CORO1C: variants seen among roughly 807,000 people sequenced by gnomAD.
CORO1C encodes the protein coronin-1C.
A neutral mutation model predicts 51.2 loss-of-function variants in CORO1C; 14 were observed. That is an observed-to-expected ratio of 0.27 (90% CI 0.18 to 0.43). The LOEUF is 0.43. Among genes scored for constraint, CORO1C ranks in the 20% least tolerant of loss-of-function variants. The probability of loss-of-function intolerance (pLI) is 1.00; values close to 1 mark genes in which losing one functional copy is unlikely to be tolerated. For missense variants in CORO1C, 417 were observed against 607.8 expected, an observed-to-expected ratio of 0.69 and a Z score of 3.30; for synonymous variants, 181 against 210.5, an observed-to-expected ratio of 0.86 and a Z score of 1.21.
intron 1 of CORO1C, among the ~76,000 whole-genome samples, chr12:108,712,303 C>T (rs930819261): frequency 1.3e-5 from 2 of 151,730 alleles, no homozygotes; most frequent in African/African-American, 2.4e-5. Flanking sequence ...CCGGGCAGGG[C>T]GGCTCACACC....
At chr12:108,711,257 C>G (rs2035171771) in intron 1 of CORO1C, among the ~76,000 whole-genome samples, 1 of 152,060 alleles carries the variant, frequency 6.6e-6, no homozygotes, top group Admixed American at 6.6e-5. Flanking sequence ...GCGGTCCCAG[C>G]TACTCGGGGA....
At chr12:108,716,527 C>CAT (rs1335621516) in intron 1 of CORO1C, among the ~76,000 whole-genome samples, 7 of 152,106 alleles carry the variant, frequency 4.6e-5, no homozygotes, top group African/African-American at 1.7e-4. Context: ...ATTAAATGAA[C>CAT]ATGTACTCCT....
At chr12:108,661,062 TTACA>T (rs1054131917) in intron 4 of CORO1C, among the ~76,000 whole-genome samples, 7 of 152,198 alleles carry the variant, frequency 4.6e-5, no homozygotes, top group African/African-American at 1.4e-4. Context: ...AAGGTATAAC[TTACA>T]TACAATACAA....
intron 2 of CORO1C, among the ~76,000 whole-genome samples, chr12:108,686,734 G>C (rs2136843936): frequency 6.6e-6 from 1 of 152,324 alleles, no homozygotes. Flanking sequence ...CCAGCACCAA[G>C]TTTCCCAAAG....
chr12:108,711,572 C>G (rs1036854195), intron 1 of CORO1C, among the ~76,000 whole-genome samples: 1 of 150,888 alleles, frequency 6.6e-6, no homozygotes, highest in Non-Finnish European at 1.5e-5. Flanking sequence ...CCCAGCTATT[C>G]GGGAGGCTAA....
chr12:108,699,591 A>C (rs1304963442), intron 2 of CORO1C, among the ~76,000 whole-genome samples: 1 of 152,204 alleles, frequency 6.6e-6, no homozygotes, highest in Non-Finnish European at 1.5e-5. Flanking sequence ...TACCAGTAAA[A>C]TGTCAAGTTT....
At chr12:108,702,340 C>T (rs987597010) in intron 1 of CORO1C, among the ~76,000 whole-genome samples, 2 of 152,158 alleles carry the variant, frequency 1.3e-5, no homozygotes, top group Non-Finnish European at 2.9e-5. Context: ...AGCCACTTCC[C>T]TAGTAAACCA....
intron 1 of CORO1C, chr12:108,702,751 T>C (rs1432777997): frequency 2.1e-6 from 3 of 1,462,690 alleles, no homozygotes; most frequent in Non-Finnish European, 2.7e-6. Flanking sequence ...CTGAGCCCAC[T>C]GCTAAATGCA....
chr12:108,680,854 G>A (rs1399359601), intron 2 of CORO1C, among the ~76,000 whole-genome samples: 1 of 152,212 alleles, frequency 6.6e-6, no homozygotes, highest in African/African-American at 2.4e-5. Flanking sequence ...CAGGTAAGAT[G>A]GAGATTTCAC....
intron 1 of CORO1C, among the ~76,000 whole-genome samples, chr12:108,707,604 G>A (rs1439234992): frequency 6.6e-6 from 1 of 152,058 alleles, no homozygotes; most frequent in Non-Finnish European, 1.5e-5. Flanking sequence ...GACACCAAAA[G>A]CACAAGCAAC....
At chr12:108,715,670 C>CCTGAGGA (rs774883777) in intron 1 of CORO1C, among the ~76,000 whole-genome samples, 8,254 of 52,218 alleles carry the variant, frequency 0.16, 496 homozygotes, top group East Asian at 0.58. Flanking sequence ...ACAACACTGG[C>CCTGAGGA]AGCAGCCATC....
intron 3 of CORO1C, among the ~76,000 whole-genome samples, chr12:108,672,437 G>A (rs1406507432): frequency 6.6e-6 from 1 of 152,124 alleles, no homozygotes; most frequent in Non-Finnish European, 1.5e-5. Flanking sequence ...GTATGGTGGT[G>A]GTATTAGTAT....
chr12:108,657,570 C>G, intron 5 of CORO1C, 147 bp from the exon 6 acceptor site: 1 of 747,758 alleles, frequency 1.3e-6, no homozygotes, highest in Non-Finnish European at 2.2e-6. Context: ...TCCCCCTTCC[C>G]CAGATGAGGA....
chr12:108,716,633 G>C (rs2035343078), intron 1 of CORO1C, among the ~76,000 whole-genome samples: 1 of 152,176 alleles, frequency 6.6e-6, no homozygotes, highest in South Asian at 2.1e-4. Flanking sequence ...TACCCAGCTA[G>C]ATCATTTTGG....
At chr12:108,701,493 A>T (rs1018399849) in intron 1 of CORO1C, 170 bp from the exon 2 acceptor site, 3 of 928,324 alleles carry the variant, frequency 3.2e-6, no homozygotes, top group Non-Finnish European at 4.7e-6. Flanking sequence ...ACATACCCGG[A>T]GACAACTGCA....
In CORO1C at chr12:108,662,242, T is replaced by C. The variant is rs2033296983; in HGVS notation, c.319-84A>G. ...TTACAGTGACCATCCACTATAAAGA[T>C]TTGCTCTATGTAAACAGAACATAGA... On this transcript the variant is annotated intron_variant, in intron 3 of 10. Transcript: ENST00000261401. 4 of 1,235,648 alleles carry C rather than the reference T, an allele frequency of 3.2e-6. No homozygotes were observed. In the Admixed American group the frequency reaches 5.2e-5, roughly 16 times the overall value. 76.5% of individuals were successfully genotyped at this position (1,235,648 alleles called of 1,614,324 possible).
intron 1 of CORO1C, among the ~76,000 whole-genome samples, chr12:108,714,925 A>G (rs1210031234): frequency 6.6e-6 from 1 of 152,150 alleles, no homozygotes; most frequent in East Asian, 1.9e-4. Flanking sequence ...AAACCTAAGC[A>G]CTCACTGGCA....
chr12:108,658,799 C>G lies in CORO1C; in HGVS notation c.569G>C (p.Cys190Ser), dbSNP rs1190639626. 1.2e-6 allele frequency: 2 copies of G among 1,613,698 alleles called. No homozygotes were observed. The highest frequency in any genetic ancestry group is 1.3e-5 in the African/African-American group (1 of 74,934). Residue 190 changes from cysteine to serine, a missense_variant, in exon 5 of 11, where the codon TGC becomes TCC. Coordinates refer to ENST00000261401, the MANE Select transcript of CORO1C (RefSeq NM_014325.4). This position sits in a 1 kb window ranked among gnomAD's most constrained non-coding sequence, Gnocchi z 4.9. ...VSWNRNGSLI[C>S]TASKDKKVRV... ...CACTTTCTTGTCTTTGGAAGCTGTG[C>G]AGATCAGACTGCCATTCCGGTTCCA...
intron 8 of CORO1C, chr12:108,652,016 C>A (rs1319051491): frequency 3.6e-6 from 1 of 275,724 alleles, no homozygotes; most frequent in Non-Finnish European, 6.8e-6. Context: ...CAGAGCCAGA[C>A]TCCGTCTCAA....
Sources: gnomAD v4.1 joint callset for allele counts (sites outside exome capture counted in the v4.1 genomes callset) on GRCh38, gnomAD v4.1.1 for gene constraint, Gnocchi (gnomAD v3.1) non-coding constraint, MANE v1.5 for transcripts, NCBI Gene and HGNC (gene_info 2026-07-23, HGNC 2026-07-21) for gene names.